Variants in TMEM132D observed in about 807,000 individuals in gnomAD.
The protein encoded by TMEM132D is mature OL transmembrane protein.
Under a neutral mutation model 62.3 loss-of-function variants are expected in TMEM132D, and 21 were observed. That is an observed-to-expected ratio of 0.34 (90% CI 0.24 to 0.49). The LOEUF (loss-of-function observed/expected upper bound fraction) is 0.49, where lower values mean the gene tolerates loss of function less well. Among genes scored for constraint, TMEM132D ranks in the 20% least tolerant of loss-of-function variants. The pLI is 0.99. For missense variants in TMEM132D, 1,346 were observed against 1,402.8 expected (o/e 0.96, Z 0.65); for synonymous variants, 621 against 575.6 (o/e 1.08, Z -1.13).
intron 5 of TMEM132D, among the ~76,000 whole-genome samples, chr12:129,176,177 G>A (rs1432638412): frequency 6.6e-6 from 1 of 152,232 alleles, no homozygotes; most frequent in Non-Finnish European, 1.5e-5. Context: ...GAGACTGTCA[G>A]GAGGAGAGCA....
intron 5 of TMEM132D, among the ~76,000 whole-genome samples, chr12:129,137,981 A>T (rs1438001095): frequency 6.6e-6 from 1 of 152,158 alleles, no homozygotes; most frequent in East Asian, 1.9e-4. Flanking sequence ...GCTTAAACAC[A>T]AATAAAGCTC....
intron 3 of TMEM132D, among the ~76,000 whole-genome samples, chr12:129,510,583 T>C (rs1284252160): frequency 2.6e-5 from 4 of 152,208 alleles, no homozygotes; most frequent in African/African-American, 9.7e-5. Context: ...CTTGCAGTAG[T>C]TTCACTGTTT....
At chr12:129,649,073 T>A (rs1244054287) in intron 2 of TMEM132D, among the ~76,000 whole-genome samples, 1 of 152,142 alleles carries the variant, frequency 6.6e-6, no homozygotes, top group Non-Finnish European at 1.5e-5. Context: ...GCAAAGTAGA[T>A]GGTTTTTGAC....
rs1249017301 is a variant in TMEM132D, at chr12:129,700,578, T to C, written c.200A>G (p.Gln67Arg). Residue 67 changes from glutamine (Q) to arginine (R), a missense_variant, in exon 2 of 9, where the codon CAG becomes CGG. Coordinates refer to ENST00000422113, the MANE Select transcript of TMEM132D (RefSeq NM_133448.3). ...CAGGCTGGAGTTCCTCATGATATCC[T>C]GGTTGGCCTCCTTCAGGAAGAAGGA... The part of the protein sequence containing the change: ...DVSFFLKEAN[Q>R]DIMRNSSLQS... The C allele has an allele frequency of 7.4e-6, 12 of 1,614,036 alleles. No individual in the cohort carries two copies. Among genetic ancestry groups the C allele is most frequent in the Non-Finnish European group, 1.0e-5 (12 of 1,180,028 alleles).
At chr12:129,672,560 C>T (rs549837741) in intron 2 of TMEM132D, among the ~76,000 whole-genome samples, 58 of 152,232 alleles carry the variant, frequency 3.8e-4, no homozygotes, top group African/African-American at 1.2e-3. Context: ...AGAGCCTGTA[C>T]GTTTGAGGAT....
At chr12:129,851,031 T>A (rs2137353027) in intron 1 of TMEM132D, among the ~76,000 whole-genome samples, 1 of 152,232 alleles carries the variant, frequency 6.6e-6, no homozygotes, top group Non-Finnish European at 1.5e-5. Flanking sequence ...GAAACTGAGG[T>A]CAATATTTAC....
intron 4 of TMEM132D, among the ~76,000 whole-genome samples, chr12:129,254,325 C>T (rs1880347284): frequency 6.6e-6 from 1 of 152,132 alleles, no homozygotes; most frequent in Non-Finnish European, 1.5e-5. Flanking sequence ...CATGCGTGCC[C>T]AAATATGTGC....
intron 5 of TMEM132D, among the ~76,000 whole-genome samples, chr12:129,101,472 C>CT (rs1875306872): frequency 1.3e-5 from 2 of 152,108 alleles, no homozygotes; most frequent in Non-Finnish European, 2.9e-5. Context: ...GAATTTGCAG[C>CT]CCCTGGAGAT....
Position 129,624,447 on chromosome 12 carries a change from A to G in TMEM132D, c.968+75363T>C, listed in dbSNP as rs189368025. On this transcript the variant is annotated intron_variant, in intron 2 of 8. Coordinates refer to ENST00000422113, the MANE Select transcript of TMEM132D (RefSeq NM_133448.3). The stretch of plus-strand genomic sequence containing the variant: ...GAACAAAGAAGAACCAGTGAGGGCC[A>G]ATGAGTCATCCCCAGGTTAGGAGCT... 2.6e-5 allele frequency among the ~76,000 whole-genome samples: 4 copies of G among 152,312 alleles called. No individual in the cohort carries two copies. The East Asian group carries it at 7.7e-4, about 29-fold the overall frequency.
At chr12:129,256,443 C>G (rs945782286) in intron 4 of TMEM132D, among the ~76,000 whole-genome samples, 2 of 151,942 alleles carry the variant, frequency 1.3e-5, no homozygotes, top group Admixed American at 1.3e-4. Context: ...TATTTAGAAA[C>G]AGAGTCTTGC....
chr12:129,378,829 A>G (rs1273315772), intron 3 of TMEM132D, among the ~76,000 whole-genome samples: 5 of 152,202 alleles, frequency 3.3e-5, no homozygotes, highest in Non-Finnish European at 5.9e-5. Flanking sequence ...AGTTCAATCA[A>G]CAGGAATGGC....
intron 4 of TMEM132D, among the ~76,000 whole-genome samples, chr12:129,289,360 G>A (rs148810674): frequency 0.02 from 3,058 of 151,682 alleles, 109 homozygotes; most frequent in African/African-American, 0.07. Flanking sequence ...CCTGGCCAAC[G>A]TGGTGAAACT....
intron 3 of TMEM132D, among the ~76,000 whole-genome samples, chr12:129,441,924 C>CGA (rs1872947550): frequency 6.6e-6 from 1 of 152,216 alleles, no homozygotes; most frequent in Non-Finnish European, 1.5e-5. Flanking sequence ...CTTATGAGAG[C>CGA]GGTGCACTGG....
intron 5 of TMEM132D, among the ~76,000 whole-genome samples, chr12:129,184,062 T>G (rs777668127): frequency 6.6e-6 from 1 of 152,152 alleles, no homozygotes; most frequent in Admixed American, 6.5e-5. Flanking sequence ...AAAGCTAGGC[T>G]GGGAGGACAG....
At chr12:129,785,598 G>T (rs549572997) in intron 1 of TMEM132D, among the ~76,000 whole-genome samples, 1 of 152,176 alleles carries the variant, frequency 6.6e-6, no homozygotes, top group Non-Finnish European at 1.5e-5. Flanking sequence ...TAGATTTACA[G>T]CTTTCTTCAT....
intron 4 of TMEM132D, among the ~76,000 whole-genome samples, chr12:129,243,114 G>A (rs899451528): frequency 6.6e-6 from 1 of 152,176 alleles, no homozygotes; most frequent in Non-Finnish European, 1.5e-5. Flanking sequence ...AAGCAAACAC[G>A]TATGTGTACA....
At chr12:129,139,565 G>C (rs1204233213) in intron 5 of TMEM132D, among the ~76,000 whole-genome samples, 1 of 152,168 alleles carries the variant, frequency 6.6e-6, no homozygotes, top group Non-Finnish European at 1.5e-5. Context: ...CCAAGCAAAA[G>C]TACATTTCAA....
chr12:129,411,544 G>A (rs183221524), intron 3 of TMEM132D, among the ~76,000 whole-genome samples: 59 of 151,970 alleles, frequency 3.9e-4, no homozygotes, highest in Non-Finnish European at 5.6e-4. Context: ...TTATAGAGAC[G>A]GGGTCTTGCT....
At chr12:129,089,700 G>A (rs1874843792) in intron 5 of TMEM132D, among the ~76,000 whole-genome samples, 1 of 152,182 alleles carries the variant, frequency 6.6e-6, no homozygotes, top group Non-Finnish European at 1.5e-5. Flanking sequence ...GTCAGGGTTG[G>A]AGGCTGAACG....
Sources: gnomAD v4.1 joint callset for allele counts (sites outside exome capture counted in the v4.1 genomes callset) on GRCh38, gnomAD v4.1.1 for gene constraint, MANE v1.5 for transcripts, NCBI Gene and HGNC (gene_info 2026-07-23, HGNC 2026-07-21) for gene names.